Variants in DALRD3 observed in about 807,000 individuals in gnomAD.
DALRD3 encodes the protein DALR anticodon-binding domain-containing protein 3.
A neutral mutation model predicts 56.7 loss-of-function variants in DALRD3; 47 were observed. The ratio of observed to expected loss-of-function variants is 0.83; its 90% CI spans 0.66 to 1.06. DALRD3 has a LOEUF of 1.06. Ranked by LOEUF, DALRD3 falls within the 50% of genes least tolerant of loss-of-function variation. The pLI is 0.00. For synonymous variants in DALRD3, 347 were observed against 308.5 expected, an observed-to-expected ratio of 1.12 and a Z score of -1.31; for missense variants, 787 against 724.0, an observed-to-expected ratio of 1.09 and a Z score of -1.00.
chr3:49,018,231 G>A lies in DALRD3; in HGVS notation c.253C>T (p.Leu85=). 1 of 1,439,590 alleles carries A rather than the reference G, an allele frequency of 6.9e-7. No homozygotes were observed. Among genetic ancestry groups the A allele is most frequent in the Non-Finnish European group, 9.0e-7 (1 of 1,105,378 alleles). The allele number at this position is 1,439,590 out of a possible 1,614,324, so 89.2% of individuals were successfully genotyped here. Residue 85 remains leucine (L), a synonymous_variant, in exon 2 of 12, where the codon CTG becomes TTG. Transcript: ENST00000341949. Reference sequence around the variant, plus strand: ...GCGGACCGCTGCAGTTGGAGAGACAGACCCGCGGGGGTCGGCGCGCAGCGC... The same window carrying A: ...GCGGACCGCTGCAGTTGGAGAGACAAACCCGCGGGGGTCGGCGCGCAGCGC... ...VLRCAPTPAG[L]SLQLQRSAVF...
chr3:49,016,867 G>T lies in DALRD3; in HGVS notation c.928-20C>A, dbSNP rs2093084888. ...GTGCTTCTGTCAGAAAGATGTCAGG[G>T]GCTCAGCCTAGTTGGCGCTACTCTC... On this transcript the variant is annotated intron_variant, in intron 5 of 11. Transcript: ENST00000341949. 1.9e-6 allele frequency: 3 copies of T among 1,614,064 alleles called. No individual in the cohort carries two copies. The highest frequency in any genetic ancestry group is 2.5e-6 in the Non-Finnish European group (3 of 1,179,988).
rs2093057720 is a variant in DALRD3 at position 49,015,846 on chromosome 3, G to A, written c.1470C>T (p.Ser490=). The change falls in exon 11 of 12, where the codon AGC becomes AGT. Residue 490 remains serine, a synonymous_variant. Coordinates refer to ENST00000341949, the MANE Select transcript of DALRD3 (RefSeq NM_001009996.3). ...EMICKFLVQL[S]MDFSSYYNRV... is the part of the protein sequence containing the mutation. ...GGTTGTAGTAGGAGCTGAAATCCAT[G>A]CTGAGCTGTACCAGGAACTTGCATA... 3.1e-6 allele frequency: 5 copies of A among 1,614,180 alleles called. No homozygotes were observed. The highest frequency in any genetic ancestry group is 4.2e-6 in the Non-Finnish European group (5 of 1,180,028).
In DALRD3 at chr3:49,018,544, C is replaced by A; in HGVS notation, c.21G>T (p.Gly7=). MATRRL[G]VGETLGALNA... ...TGAGGGCCCCCAGCGTCTCCCCGAC[C>A]CCAAGGCGCCTGGTCGCCATGGTGA... The change falls in exon 1 of 12, where the codon GGG becomes GGT. Residue 7 remains glycine, a synonymous_variant. Coordinates refer to ENST00000341949, the MANE Select transcript of DALRD3 (RefSeq NM_001009996.3). 1 of 1,578,722 alleles carries A rather than the reference C, an allele frequency of 6.3e-7. No homozygotes were observed. The highest frequency in any genetic ancestry group is 2.3e-5 in the East Asian group (1 of 43,252).
chr3:49,017,236 G>GT lies in DALRD3; in HGVS notation c.918dup (p.Leu307ThrfsTer25). 6.2e-7 allele frequency: 1 copy of GT among 1,614,200 alleles called. No homozygotes were observed. Among genetic ancestry groups the GT allele is most frequent in the East Asian group, 2.2e-5 (1 of 44,886 alleles). On this transcript the variant is annotated frameshift_variant, in exon 5 of 12. Coordinates refer to ENST00000341949, the MANE Select transcript of DALRD3 (RefSeq NM_001009996.3). LOFTEE classifies it high-confidence loss of function. ...CATCATTATTAACCTACCTGTCTGAGTGGAGCCTTGTCAACCAACTTCTGC... is the reference window on the plus strand; with the variant it reads ...CATCATTATTAACCTACCTGTCTGAGTTGGAGCCTTGTCAACCAACTTCTGC...
At chr3:49,019,041 T>C, upstream of DALRD3, 1 of 985,420 alleles carries the variant, frequency 1.0e-6, no homozygotes, top group Non-Finnish European at 1.2e-6. Flanking sequence ...GGTTTCAGGT[T>C]ATTTGCAAGC....
chr3:49,015,821 G>A lies in DALRD3; in HGVS notation c.1495C>T (p.Arg499Trp), dbSNP rs761345422. 20 of 1,614,066 alleles carry A rather than the reference G, an allele frequency of 1.2e-5. No individual in the cohort carries two copies. The highest frequency in any genetic ancestry group is 1.6e-5 in the Non-Finnish European group (19 of 1,180,050). ...GTGCTCACCCCCAGGATGTGTACCCGGTTGTAGTAGGAGCTGAAATCCATG... is the reference window on the plus strand; with the variant it reads ...GTGCTCACCCCCAGGATGTGTACCCAGTTGTAGTAGGAGCTGAAATCCATG... ...LSMDFSSYYNRVHILGEPRPH... is the reference protein window; with the variant it reads ...LSMDFSSYYNWVHILGEPRPH... Residue 499 changes from arginine to tryptophan, a missense_variant, in exon 11 of 12, where the codon CGG (arginine) becomes TGG (tryptophan). By Grantham distance (101) the Arg-to-Trp change is moderately radical. Transcript: ENST00000341949.
chr3:49,019,131 T>A, upstream of DALRD3: 1 of 652,132 alleles, frequency 1.5e-6, no homozygotes, highest in Non-Finnish European at 1.9e-6. Context: ...TGGAGTGCAG[T>A]GGCACGATCT....
chr3:49,015,777 T>TCCCACCCCATTTTGCTGTGTGCTCAC, intron 11 of DALRD3, 27 bp downstream of exon 11: 1 of 1,614,120 alleles, frequency 6.2e-7, no homozygotes, highest in Non-Finnish European at 8.5e-7. Flanking sequence ...TCTCTGCACG[T>TCCCACCCCATTTTGCTGTGTGCTCAC]CCCACCCCAT....
upstream of DALRD3, chr3:49,020,748 C>A (rs765517699): frequency 2.2e-5 from 10 of 457,902 alleles, no homozygotes; most frequent in African/African-American, 4.0e-5. Flanking sequence ...CCAGGTCACT[C>A]GCCCTGGGGC....
Position 49,017,216 on chromosome 3 carries a change from T to A in DALRD3, c.927+12A>T. 6.2e-7 allele frequency: 1 copy of A among 1,614,120 alleles called. No individual in the cohort carries two copies. The highest frequency in any genetic ancestry group is 8.5e-7 in the Non-Finnish European group (1 of 1,180,018). On this transcript the variant is annotated intron_variant, in intron 5 of 11. Coordinates refer to ENST00000341949, the MANE Select transcript of DALRD3 (RefSeq NM_001009996.3). ...TAGGTGGTGGGGAGCTCCACCATCA[T>A]TATTAACCTACCTGTCTGAGTGGAG...
chr3:49,020,939 G>C, upstream of DALRD3: 1 of 190,556 alleles, frequency 5.2e-6, no homozygotes, highest in East Asian at 1.5e-4. Flanking sequence ...TAGCCCTGTT[G>C]GTCCCACGAA....
chr3:49,020,554 C>T, upstream of DALRD3: 1 of 460,452 alleles, frequency 2.2e-6, no homozygotes, highest in Non-Finnish European at 4.6e-6. Context: ...GAACTGAGAC[C>T]CAAGCAGCTC....
chr3:49,020,421 C>T (rs1475580608), upstream of DALRD3: 1 of 389,782 alleles, frequency 2.6e-6, no homozygotes, highest in Non-Finnish European at 5.3e-6. Flanking sequence ...CATTGCAGCC[C>T]TACCCAGAGG....
At position 49,015,965 on chromosome 3, in the gene DALRD3, T is replaced by C. The variant is rs754861347; in HGVS notation, c.1443+8A>G. Reference sequence around the variant, plus strand: ...GAGTGTAGAGTGTCCTGGTTGTCTATGCCTCACCATCTCTGTGCGTACAGC... The same window carrying C: ...GAGTGTAGAGTGTCCTGGTTGTCTACGCCTCACCATCTCTGTGCGTACAGC... On this transcript the variant is annotated splice_region_variant and intron_variant, in intron 10 of 11. Coordinates refer to ENST00000341949, the MANE Select transcript of DALRD3 (RefSeq NM_001009996.3). The C allele has an allele frequency of 6.2e-7, 1 of 1,614,062 alleles. No individual in the cohort carries two copies. The highest frequency in any genetic ancestry group is 2.2e-5 in the East Asian group (1 of 44,878).
chr3:49,016,905 TGAG>T (rs1438305780), intron 5 of DALRD3, 58 bp from the exon 6 acceptor site: 62 of 1,596,174 alleles, frequency 3.9e-5, no homozygotes, highest in Non-Finnish European at 4.5e-5. Flanking sequence ...GGAAGTCCCT[TGAG>T]GAGCCCAAAT....
chr3:49,016,996 G>T (rs1306887477), intron 5 of DALRD3, 149 bp from the exon 6 acceptor site: 2 of 1,004,330 alleles, frequency 2.0e-6, no homozygotes, highest in African/African-American at 1.6e-5. Context: ...AGCCACTCAG[G>T]CTACGCATGG....
In DALRD3 at chr3:49,018,091, T is replaced by G. The variant is rs955061345; in HGVS notation, c.393A>C (p.Ala131=). The change falls in exon 2 of 12, where the codon GCA becomes GCC. Residue 131 remains alanine, a synonymous_variant. Transcript: ENST00000341949. ...CCGTACGCAGCTGGCTCAAGCGGAGTGCGCAGGGGGAGCTGCGCAGTGCTG... is the reference window on the plus strand; with the variant it reads ...CCGTACGCAGCTGGCTCAAGCGGAGGGCGCAGGGGGAGCTGCGCAGTGCTG... ...HCPALRSSPC[A]LRLSQLRTVL... 21 of 1,487,866 alleles carry G rather than the reference T, an allele frequency of 1.4e-5. No homozygotes were observed. The highest frequency in any genetic ancestry group is 2.3e-5 in the East Asian group (1 of 43,112). The allele number at this position is 1,487,866 out of a possible 1,614,324, so 92.2% of individuals were successfully genotyped here.
At chr3:49,017,542 C>G (rs2093101988) in intron 3 of DALRD3, 29 bp from the exon 4 acceptor site, 1 of 1,614,058 alleles carries the variant, frequency 6.2e-7, no homozygotes, top group Non-Finnish European at 8.5e-7. Context: ...GGTGCTGAGA[C>G]TGACAAGAAG....
upstream of DALRD3, among the ~76,000 whole-genome samples, chr3:49,019,390 A>G (rs984040789): frequency 1.3e-5 from 2 of 151,800 alleles, no homozygotes; most frequent in African/African-American, 4.8e-5. Context: ...TTTATGCCCA[A>G]TAAATAAGCA....
Sources: gnomAD v4.1 joint callset for allele counts (sites outside exome capture counted in the v4.1 genomes callset) on GRCh38, gnomAD v4.1.1 for gene constraint, MANE v1.5 for transcripts, NCBI Gene and HGNC (gene_info 2026-07-23, HGNC 2026-07-21) for gene names.